The following MARK2 variants were observed in gnomAD, a reference collection of about 807,000 sequenced individuals.
MARK2 encodes serine/threonine-protein kinase MARK2.
MARK2 carries 16 observed loss-of-function variants against 89.8 expected under a neutral mutation model. The observed-to-expected ratio is 0.18, with a 90% CI of 0.12 to 0.27. The LOEUF (loss-of-function observed/expected upper bound fraction) is 0.27. Among genes scored for constraint, MARK2 ranks in the 10% least tolerant of loss-of-function variants. The probability of loss-of-function intolerance (pLI) is 1.00; values close to 1 mark genes in which losing one functional copy is unlikely to be tolerated. For synonymous variants in MARK2, 382 were observed against 399.5 expected (o/e 0.96, Z 0.52); for missense variants, 621 against 1,049.9 (o/e 0.59, Z 5.65).
intron 1 of MARK2, 106 bp from the exon 2 acceptor site, chr11:63,895,053 C>T: frequency 1.2e-6 from 1 of 835,836 alleles, no homozygotes; most frequent in Non-Finnish European, 1.9e-6. Context: ...TGCCTACCAG[C>T]CCCCTGGAAT....
chr11:63,855,299 G>A (rs1383213725), intron 1 of MARK2, among the ~76,000 whole-genome samples: 1 of 152,086 alleles, frequency 6.6e-6, no homozygotes, highest in African/African-American at 2.4e-5. Context: ...AGGGAGGATC[G>A]CTTGAGGTCA....
At chr11:63,862,682 T>A (rs1466990778) in intron 1 of MARK2, among the ~76,000 whole-genome samples, 1 of 152,146 alleles carries the variant, frequency 6.6e-6, no homozygotes, top group African/African-American at 2.4e-5. Flanking sequence ...TCTTTTCCCA[T>A]CTTCCGGAAT....
At chr11:63,841,711 C>T (rs1420280520) in intron 1 of MARK2, among the ~76,000 whole-genome samples, 1 of 152,192 alleles carries the variant, frequency 6.6e-6, no homozygotes, top group African/African-American at 2.4e-5. Context: ...CGATGGAGTG[C>T]CTACTCTCAG....
intron 1 of MARK2, among the ~76,000 whole-genome samples, chr11:63,860,946 A>G (rs71454582): frequency 4.6e-4 from 70 of 152,328 alleles, no homozygotes; most frequent in Non-Finnish European, 8.2e-4. Flanking sequence ...TGTTTAATCA[A>G]GTGCTCAACA....
chr11:63,891,298 G>T (rs1273757046), intron 1 of MARK2, among the ~76,000 whole-genome samples: 2 of 152,158 alleles, frequency 1.3e-5, no homozygotes, highest in Non-Finnish European at 2.9e-5. Flanking sequence ...TGCTGAGTAG[G>T]TGACAGATTT....
chr11:63,850,932 G>A (rs568278266), intron 1 of MARK2, among the ~76,000 whole-genome samples: 1 of 152,150 alleles, frequency 6.6e-6, no homozygotes, highest in Non-Finnish European at 1.5e-5. Flanking sequence ...CCCAAGTGCT[G>A]GGATTACACA....
intron 3 of MARK2, among the ~76,000 whole-genome samples, chr11:63,897,912 G>A (rs537315162): frequency 2.0e-5 from 3 of 152,212 alleles, no homozygotes; most frequent in Non-Finnish European, 2.9e-5. Flanking sequence ...TCACGCACAC[G>A]GGCTCACACT....
At chr11:63,858,069 C>G (rs1207115794) in intron 1 of MARK2, among the ~76,000 whole-genome samples, 1 of 151,956 alleles carries the variant, frequency 6.6e-6, no homozygotes, top group African/African-American at 2.4e-5. Flanking sequence ...CTTTGTCACC[C>G]AGGGTGGAGT....
rs182761359 is a variant in MARK2, at chr11:63,895,553, T to G, written c.235-27T>G. ...TGGGTTTCGCTGGTCAGAGAAGTGA[T>G]TTGGGGCCTTTTTGTCTCATCCTCA... On this transcript the variant is annotated intron_variant, in intron 2 of 18. Transcript: ENST00000402010. The G allele has an allele frequency of 6.0e-5, 96 of 1,609,546 alleles. No individual in the cohort carries two copies. In the African/African-American group the frequency reaches 1.1e-3, roughly 19 times the overall value.
chr11:63,856,768 G>GTTTTTTTTTTTTTTTTTTTTTTTTT (rs71039681), intron 1 of MARK2, among the ~76,000 whole-genome samples: 1 of 53,796 alleles, frequency 1.9e-5, no homozygotes, highest in East Asian at 6.7e-4. Context: ...AATTTTTCAT[G>GTTTTTTTTTTTTTTTTTTTTTTTTT]TTTTTTTTTT....
intron 11 of MARK2, among the ~76,000 whole-genome samples, chr11:63,901,473 C>CTTGTTTTT (rs1940869989): frequency 3.5e-5 from 2 of 57,696 alleles, no homozygotes; most frequent in African/African-American, 8.0e-5. Flanking sequence ...GAGTCTGTTG[C>CTTGTTTTT]TTTTTTTTTT....
chr11:63,908,221 G>C (rs1421507873), intron 17 of MARK2, 39 bp from the exon 18 acceptor site: 4 of 1,543,236 alleles, frequency 2.6e-6, no homozygotes, highest in East Asian at 2.4e-5. Flanking sequence ...AGGAGCGAGA[G>C]ATCCCAGCAC....
In MARK2 at chr11:63,908,883, C is replaced by T; in HGVS notation, c.2013C>T (p.His671=). ...SKDRVETLRP[H]VVGSGGNDKE... is the part of the protein sequence containing the mutation. ...GCCTCTGCCCTCTCCACAGACCTCA[C>T]GTGGTGGGCAGTGGCGGCAACGACA... The change falls in exon 19 of 19, where the codon CAC becomes CAT. Residue 671 remains histidine, a synonymous_variant. Coordinates refer to ENST00000402010, the MANE Select transcript of MARK2 (RefSeq NM_001039469.3). 1.3e-6 allele frequency: 2 copies of T among 1,506,294 alleles called. No homozygotes were observed. Among genetic ancestry groups the T allele is most frequent in the East Asian group, 2.3e-5 (1 of 43,028 alleles). 93.3% of individuals were successfully genotyped at this position (1,506,294 alleles called of 1,614,324 possible). A position where few individuals can be genotyped will look rare whatever the true frequency, so the allele number is the denominator to read the frequency against.
intron 1 of MARK2, among the ~76,000 whole-genome samples, chr11:63,860,755 G>A (rs1463392060): frequency 1.3e-5 from 2 of 151,970 alleles, no homozygotes; most frequent in African/African-American, 4.8e-5. Context: ...CTCTTCAGGA[G>A]GCTGAGGCAG....
chr11:63,893,386 T>A (rs1940081364), intron 1 of MARK2, among the ~76,000 whole-genome samples: 1 of 152,028 alleles, frequency 6.6e-6, no homozygotes, highest in Non-Finnish European at 1.5e-5. Context: ...TAGCATATAT[T>A]CTTTTTTACT....
In MARK2 at chr11:63,908,904, C is replaced by T. The variant is rs766165385; in HGVS notation, c.2034C>T (p.Asn678=). Residue 678 remains asparagine, a synonymous_variant, in exon 19 of 19, where the codon AAC becomes AAT. Transcript: ENST00000402010. ...LRPHVVGSGG[N]DKEKEEFREA... ...CTCACGTGGTGGGCAGTGGCGGCAA[C>T]GACAAAGAAAAGGAAGAATTTCGGG... The T allele has an allele frequency of 6.6e-7, 1 of 1,507,902 alleles. No homozygotes were observed. Among genetic ancestry groups the T allele is most frequent in the Non-Finnish European group, 8.9e-7 (1 of 1,121,832 alleles). 93.4% of individuals were successfully genotyped at this position (1,507,902 alleles called of 1,614,324 possible).
At chr11:63,859,413 C>T (rs1364051714) in intron 1 of MARK2, among the ~76,000 whole-genome samples, 1 of 151,424 alleles carries the variant, frequency 6.6e-6, no homozygotes, top group Non-Finnish European at 1.5e-5. Context: ...CTCCGCCTCA[C>T]AGGTTCAAGC....
At chr11:63,877,354 G>A (rs1358547965) in intron 1 of MARK2, among the ~76,000 whole-genome samples, 1 of 151,860 alleles carries the variant, frequency 6.6e-6, no homozygotes, top group Non-Finnish European at 1.5e-5. Context: ...CAAGTGATCC[G>A]CCCGCCTCAG....
Position 63,900,848 on chromosome 11 carries a change from A to T in MARK2, c.957A>T (p.Pro319=). The change falls in exon 10 of 19, where the codon CCA becomes CCT. Residue 319 remains proline (P), a synonymous_variant. Transcript: ENST00000402010. This position sits in a 1 kb window ranked among gnomAD's most constrained non-coding sequence, Gnocchi z 4.7. ...EDDELKPYVE[P]LPDYKDPRRT... The stretch of plus-strand genomic sequence containing the variant: ...ATGAACTAAAGCCTTACGTGGAGCC[A>T]CTCCCTGACTACAAGGACCCCCGGC... 2 of 1,614,018 alleles carry T rather than the reference A, an allele frequency of 1.2e-6. No homozygotes were observed. Among genetic ancestry groups the T allele is most frequent in the South Asian group, 1.1e-5 (1 of 91,070 alleles).
Sources: gnomAD v4.1 joint callset for allele counts (sites outside exome capture counted in the v4.1 genomes callset) on GRCh38, gnomAD v4.1.1 for gene constraint, Gnocchi (gnomAD v3.1) non-coding constraint, MANE v1.5 for transcripts, NCBI Gene and HGNC (gene_info 2026-07-23, HGNC 2026-07-21) for gene names.